SEL1L: variants seen among roughly 807,000 people sequenced by gnomAD.
SEL1L encodes the protein SEL1L adaptor subunit of SYVN1 ubiquitin ligase.
A neutral mutation model predicts 109.8 loss-of-function variants in SEL1L; 52 were observed. The observed-to-expected ratio is 0.47, with a 90% CI of 0.38 to 0.60. The LOEUF is 0.60. Ranked by LOEUF, SEL1L falls within the 20% of genes least tolerant of loss-of-function variation. SEL1L has a pLI of 0.00. For synonymous variants in SEL1L, 373 were observed against 339.6 expected, an observed-to-expected ratio of 1.10 and a Z score of -1.08; for missense variants, 749 against 962.2, an observed-to-expected ratio of 0.78 and a Z score of 2.93.
chr14:81,504,407 G>T, intron 4 of SEL1L, 101 bp from the exon 5 acceptor site: 2 of 718,824 alleles, frequency 2.8e-6, no homozygotes, highest in Non-Finnish European at 4.2e-6. Flanking sequence ...CAAAATGAAT[G>T]ATCTTTCACT....
rs1158729064 is a variant in SEL1L, at chr14:81,502,575, A to T, written c.777+146T>A. On this transcript the variant is annotated intron_variant, in intron 6 of 20. Transcript: ENST00000336735. ...CCAGACTAAGGAAAAAGACTATCCA[A>T]GAAGACTGATAAAATGGTCAGCCAC... The T allele has an allele frequency of 3.9e-6, 3 of 769,786 alleles. No homozygotes were observed. In the African/African-American group the frequency reaches 5.2e-5, roughly 13 times the overall value. The allele number at this position is 769,786 out of a possible 1,614,324, so 47.7% of individuals were successfully genotyped here.
Position 81,477,051 on chromosome 14 carries a change from A to G in SEL1L, c.2306T>C (p.Met769Thr). ...TGGCCCTGGAGGCCTGGGTGCAGGC[A>G]TGTCTTGGTGCTGCCTTTGCCTGTA... ...IAYRQRQHQD[M>T]PAPRPPGPRP... The change falls in exon 21 of 21, where the codon ATG (methionine) becomes ACG (threonine). Residue 769 changes from methionine (M) to threonine (T), a missense_variant. Transcript: ENST00000336735. 6.2e-7 allele frequency: 1 copy of G among 1,614,166 alleles called. No homozygotes were observed. Among genetic ancestry groups the G allele is most frequent in the East Asian group, 2.2e-5 (1 of 44,882 alleles).
chr14:81,515,261 G>A (rs1884655090), intron 3 of SEL1L, among the ~76,000 whole-genome samples: 2 of 152,204 alleles, frequency 1.3e-5, no homozygotes, highest in African/African-American at 4.8e-5. Context: ...AGCAGATCAA[G>A]GCAGACCTGG....
rs1464727075 is a variant in SEL1L at position 81,487,306 on chromosome 14, T to C, written c.1632+84A>G. On this transcript the variant is annotated intron_variant, in intron 16 of 20. Coordinates refer to ENST00000336735, the MANE Select transcript of SEL1L (RefSeq NM_005065.6). ...GAGTCTAGAACTACAGAAGAAAACA[T>C]ACAAAAAAACCAGAATTGAAAGCGC... is the stretch of plus-strand genomic sequence containing the variant. 2.1e-4 allele frequency: 286 copies of C among 1,343,908 alleles called. 1 individual carries two copies. The highest frequency in any genetic ancestry group is 2.9e-5 in the Non-Finnish European group (29 of 1,007,066). 83.2% of individuals were successfully genotyped at this position (1,343,908 alleles called of 1,614,324 possible).
Position 81,527,691 on chromosome 14 carries a change from T to G in SEL1L, c.108+10A>C, listed in dbSNP as rs765808363. ...AGCAAATACTGGCCAATACACATTT[T>G]AGTACATACCTTGGAATCTAAGGAT... is the stretch of plus-strand genomic sequence containing the variant. On this transcript the variant is annotated intron_variant, in intron 2 of 20. Coordinates refer to ENST00000336735, the MANE Select transcript of SEL1L (RefSeq NM_005065.6). 10 of 1,596,444 alleles carry G rather than the reference T, an allele frequency of 6.3e-6. No homozygotes were observed. Among genetic ancestry groups the G allele is most frequent in the Admixed American group, 1.7e-5 (1 of 57,696 alleles).
chr14:81,482,317 A>T (rs1903383954), intron 19 of SEL1L, among the ~76,000 whole-genome samples: 1 of 152,192 alleles, frequency 6.6e-6, no homozygotes, highest in African/African-American at 2.4e-5. Flanking sequence ...TTATTACTAG[A>T]TGTACTCCAT....
intron 12 of SEL1L, 83 bp from the exon 13 acceptor site, chr14:81,490,548 T>G (rs1365359085): frequency 9.6e-7 from 1 of 1,037,298 alleles, no homozygotes; most frequent in East Asian, 2.4e-5. Flanking sequence ...CCTTTGAGTT[T>G]TGTCAGATCT....
Position 81,519,926 on chromosome 14 carries a change from A to G in SEL1L, c.340+6807T>C, listed in dbSNP as rs577621204. On this transcript the variant is annotated intron_variant, in intron 3 of 20. Transcript: ENST00000336735. The stretch of plus-strand genomic sequence containing the variant: ...TATTGCTGAAAAAGGCTGCTTAGGG[A>G]AGGGGTACACTGAAGGCTCTGTGAA... 2.4e-4 allele frequency among the ~76,000 whole-genome samples: 36 copies of G among 152,252 alleles called. No individual in the cohort carries two copies. In the South Asian group the frequency reaches 7.3e-3, roughly 31 times the overall value.
chr14:81,472,302 T>C lies in SEL1L; in HGVS notation c.*4670A>G, dbSNP rs755360769. On this transcript the variant is annotated 3_prime_UTR_variant, in exon 21 of 21. Coordinates refer to ENST00000336735, the MANE Select transcript of SEL1L (RefSeq NM_005065.6). ...CTGACTGTGCTCCCACAAGTACAAT[T>C]TGAGATCTTGAGATCTGACATCTCA... 1 of 190,918 alleles carries C rather than the reference T, an allele frequency of 5.2e-6. No individual in the cohort carries two copies. Among genetic ancestry groups the C allele is most frequent in the Non-Finnish European group, 1.1e-5 (1 of 91,506 alleles). The allele number at this position is 190,918 out of a possible 1,614,324, so 11.8% of individuals were successfully genotyped here. A position where few individuals can be genotyped will look rare whatever the true frequency, so the allele number is the denominator to read the frequency against.
chr14:81,512,463 T>C (rs1271275062), intron 3 of SEL1L, among the ~76,000 whole-genome samples: 1 of 152,238 alleles, frequency 6.6e-6, no homozygotes, highest in Non-Finnish European at 1.5e-5. Flanking sequence ...TTCAGAATTC[T>C]CCTAGTGTCT....
At chr14:81,514,635 C>A (rs144671112) in intron 3 of SEL1L, among the ~76,000 whole-genome samples, 1 of 152,064 alleles carries the variant, frequency 6.6e-6, no homozygotes, top group Non-Finnish European at 1.5e-5. Flanking sequence ...TGTCAGTGAG[C>A]GCAACTATTC....
At chr14:81,509,151 CA>C (rs1884360851) in intron 3 of SEL1L, among the ~76,000 whole-genome samples, 1 of 152,138 alleles carries the variant, frequency 6.6e-6, no homozygotes, top group African/African-American at 2.4e-5. Flanking sequence ...TAAAATCTTC[CA>C]AAAGTTACTG....
Sources: gnomAD v4.1 joint callset for allele counts (sites outside exome capture counted in the v4.1 genomes callset) on GRCh38, gnomAD v4.1.1 for gene constraint, MANE v1.5 for transcripts, NCBI Gene and HGNC (gene_info 2026-07-23, HGNC 2026-07-21) for gene names.